TRPC1: variants seen among roughly 807,000 people sequenced by gnomAD.
The protein encoded by TRPC1 is short transient receptor potential channel 1.
In TRPC1, 42 loss-of-function variants were observed where a neutral mutation model predicts 88.2. That is an observed-to-expected ratio of 0.48 (90% CI 0.37 to 0.62). The LOEUF is 0.62. Ranked by LOEUF, TRPC1 falls within the 20% of genes least tolerant of loss-of-function variation. The pLI is 0.00. For synonymous variants in TRPC1, 288 were observed against 331.8 expected, an observed-to-expected ratio of 0.87 and a Z score of 1.43; for missense variants, 699 against 957.3, an observed-to-expected ratio of 0.73 and a Z score of 3.56.
At chr3:142,771,635 G>A (rs1935583220) in intron 4 of TRPC1, among the ~76,000 whole-genome samples, 1 of 151,898 alleles carries the variant, frequency 6.6e-6, no homozygotes, top group Admixed American at 6.6e-5. Context: ...ACCATCTCTA[G>A]GCATTTCCTT....
intron 4 of TRPC1, among the ~76,000 whole-genome samples, chr3:142,775,090 C>A (rs1022946761): frequency 6.6e-6 from 1 of 151,764 alleles, no homozygotes; most frequent in Admixed American, 6.6e-5. Flanking sequence ...AGTTTTTTGA[C>A]AGTGTAGTAT....
chr3:142,755,835 A>G (rs1934941005), intron 4 of TRPC1, among the ~76,000 whole-genome samples: 1 of 152,212 alleles, frequency 6.6e-6, no homozygotes, highest in African/African-American at 2.4e-5. Context: ...TAAAGTGTGT[A>G]ACTATTACCA....
intron 4 of TRPC1, among the ~76,000 whole-genome samples, chr3:142,769,339 ATCTT>A (rs10575510): frequency 0.03 from 4,510 of 151,916 alleles, 237 homozygotes; most frequent in African/African-American, 0.1. Flanking sequence ...CTGATTTGAG[ATCTT>A]TCTTCTTTCT....
At chr3:142,737,615 A>C (rs959854898) in intron 2 of TRPC1, among the ~76,000 whole-genome samples, 5 of 152,098 alleles carry the variant, frequency 3.3e-5, no homozygotes, top group Admixed American at 2.6e-4. Context: ...TCTAATCCAT[A>C]GAGAATCTGA....
At chr3:142,765,011 T>G (rs965971861) in intron 4 of TRPC1, among the ~76,000 whole-genome samples, 1 of 152,124 alleles carries the variant, frequency 6.6e-6, no homozygotes, top group African/African-American at 2.4e-5. Context: ...AAGCAGAATT[T>G]CTATACATCA....
intron 4 of TRPC1, among the ~76,000 whole-genome samples, chr3:142,755,773 C>A (rs1934938644): frequency 6.6e-6 from 1 of 152,090 alleles, no homozygotes; most frequent in Admixed American, 6.5e-5. Flanking sequence ...CTCCATAGGG[C>A]CTCAAAAAAG....
chr3:142,760,160 A>C (rs1261505011), intron 4 of TRPC1, among the ~76,000 whole-genome samples: 1 of 152,184 alleles, frequency 6.6e-6, no homozygotes, highest in Non-Finnish European at 1.5e-5. Flanking sequence ...ACACAAAAAA[A>C]AATTGGCCCA....
Position 142,804,097 on chromosome 3 carries a change from T to G in TRPC1, c.1878T>G (p.Val626=), listed in dbSNP as rs746145573. 2.5e-6 allele frequency: 4 copies of G among 1,613,944 alleles called. 1 individual carries two copies. In the South Asian group the frequency reaches 4.4e-5, roughly 18 times the overall value. ...ELQSFVGAVI[V]GTYNVVVVIV... is the part of the protein sequence containing the mutation. ...AGTCCTTTGTGGGAGCTGTCATTGTTGGTACATACAATGTCGTGGTTGTGA... is the reference window on the plus strand; with the variant it reads ...AGTCCTTTGTGGGAGCTGTCATTGTGGGTACATACAATGTCGTGGTTGTGA... The change falls in exon 11 of 13, where the codon GTT becomes GTG. Residue 626 remains valine, a synonymous_variant. Transcript: ENST00000476941.
chr3:142,777,306 T>TA (rs956511464), intron 4 of TRPC1, among the ~76,000 whole-genome samples: 3 of 151,794 alleles, frequency 2.0e-5, no homozygotes, highest in Non-Finnish European at 2.9e-5. Flanking sequence ...TCTTTTAAGT[T>TA]AAAAAAAAGT....
chr3:142,787,085 C>T (rs1406632109), intron 7 of TRPC1, among the ~76,000 whole-genome samples: 1 of 152,148 alleles, frequency 6.6e-6, no homozygotes, highest in Non-Finnish European at 1.5e-5. Flanking sequence ...TACCCCCTTA[C>T]ACACATAATA....
In TRPC1 at chr3:142,792,291, G is replaced by A. The variant is rs959628171; in HGVS notation, c.1438-533G>A. Among the ~76,000 whole-genome samples the A allele has an allele frequency of 1.3e-5, 2 of 151,984 alleles. No homozygotes were observed. The highest frequency in any genetic ancestry group is 2.9e-5 in the Non-Finnish European group (2 of 67,930). Reference sequence around the variant, plus strand: ...CAGGACATTTTGAGAGTGAAAGGGGGCACTATTAATAATTATGCCAGGACA... The same window carrying A: ...CAGGACATTTTGAGAGTGAAAGGGGACACTATTAATAATTATGCCAGGACA... On this transcript the variant is annotated intron_variant, in intron 8 of 12. Transcript: ENST00000476941. The surrounding 1 kb of genome is among the most constrained non-coding windows in gnomAD (Gnocchi z 4.0).
intron 4 of TRPC1, among the ~76,000 whole-genome samples, chr3:142,764,269 C>T (rs540790814): frequency 2.0e-5 from 3 of 152,008 alleles, no homozygotes; most frequent in Admixed American, 6.6e-5. Context: ...AGGCTTCACA[C>T]TAGAGATATG....
intron 4 of TRPC1, among the ~76,000 whole-genome samples, chr3:142,774,713 G>T (rs202081403): frequency 1.3e-5 from 2 of 148,366 alleles, no homozygotes; most frequent in Non-Finnish European, 2.9e-5. Context: ...TCAGTTTTAT[G>T]TATTTTTTTT....
chr3:142,784,787 T>C lies in TRPC1; in HGVS notation c.1044T>C (p.Cys348=). 1 of 1,614,184 alleles carries C rather than the reference T, an allele frequency of 6.2e-7. No homozygotes were observed. Among genetic ancestry groups the C allele is most frequent in the African/African-American group, 1.3e-5 (1 of 75,060 alleles). ...QMSGYRRKPT[C]KKIMTVLTVG... is the part of the protein sequence containing the mutation. ...CGGGTTACCGACGCAAGCCCACCTG[T>C]AAGAAGATAATGACTGTTTTGACAG... The change falls in exon 7 of 13, where the codon TGT becomes TGC. Residue 348 remains cysteine, a synonymous_variant. Coordinates refer to ENST00000476941, the MANE Select transcript of TRPC1 (RefSeq NM_001251845.2).
chr3:142,748,492 T>G (rs1246537759), intron 4 of TRPC1, 32 bp downstream of exon 4: 4 of 1,586,638 alleles, frequency 2.5e-6, no homozygotes, highest in African/African-American at 2.7e-5. Context: ...TAAATAGATG[T>G]GTGATATATA....
At chr3:142,769,719 C>A (rs1304715954) in intron 4 of TRPC1, among the ~76,000 whole-genome samples, 1 of 151,874 alleles carries the variant, frequency 6.6e-6, no homozygotes, top group Non-Finnish European at 1.5e-5. Context: ...TAATTTATTC[C>A]ATTGTGGTTG....
At chr3:142,736,627 C>G in intron 2 of TRPC1, 94 bp downstream of exon 2, 1 of 1,108,650 alleles carries the variant, frequency 9.0e-7, no homozygotes. Context: ...TCTTTTTCCT[C>G]CTCTTCTTCC....
chr3:142,742,546 T>G (rs1174730903), intron 2 of TRPC1, among the ~76,000 whole-genome samples: 1 of 152,238 alleles, frequency 6.6e-6, no homozygotes, highest in African/African-American at 2.4e-5. Context: ...AACTTTACTC[T>G]TTTCAGCTAC....
rs1418399682 is a variant in TRPC1 at position 142,784,840 on chromosome 3, T to A, written c.1097T>A (p.Leu366His). 1 of 1,614,202 alleles carries A rather than the reference T, an allele frequency of 6.2e-7. No homozygotes were observed. The highest frequency in any genetic ancestry group is 8.5e-7 in the Non-Finnish European group (1 of 1,180,024). The part of the protein sequence containing the change: ...TVGIFWPVLS[L>H]CYLIAPKSQF... ...GGCATCTTTTGGCCAGTTTTGTCAC[T>A]TTGTTATTTGATAGCTCCCAAATCT... The change falls in exon 7 of 13, where the codon CTT becomes CAT. Residue 366 changes from leucine (L) to histidine (H), a missense_variant. By Grantham distance (99) the Leu-to-His change is moderately conservative (BLOSUM62 -3). Transcript: ENST00000476941.
Sources: allele counts gnomAD v4.1 joint callset (sites outside exome capture counted in the v4.1 genomes callset), GRCh38; gene constraint gnomAD v4.1.1; non-coding constraint Gnocchi (gnomAD v3.1); transcripts MANE v1.5; gene names NCBI Gene and HGNC (gene_info 2026-07-23, HGNC 2026-07-21).